Variants in ARFIP1 observed in about 807,000 individuals in gnomAD.
ARFIP1 encodes the protein arfaptin-1.
In ARFIP1, 24 loss-of-function variants were observed where a neutral mutation model predicts 42.5. That is an observed-to-expected ratio of 0.57 (90% CI 0.41 to 0.80). ARFIP1 has a LOEUF of 0.80. Among genes scored for constraint, ARFIP1 ranks in the 30% least tolerant of loss-of-function variants. The pLI, the probability that ARFIP1 is intolerant of heterozygous loss-of-function variation, is 0.00. For synonymous variants in ARFIP1, 141 were observed against 153.7 expected (o/e 0.92, Z 0.61); for missense variants, 354 against 434.0 (o/e 0.82, Z 1.64).
intron 6 of ARFIP1, 42 bp downstream of exon 6, chr4:152,881,226 A>G: frequency 7.0e-7 from 1 of 1,419,364 alleles, no homozygotes. Flanking sequence ...GGAGAAAATG[A>G]TAATAGAAGT....
intron 2 of ARFIP1, among the ~76,000 whole-genome samples, chr4:152,837,855 C>T (rs1731777566): frequency 6.6e-6 from 1 of 152,124 alleles, no homozygotes; most frequent in Non-Finnish European, 1.5e-5. Context: ...CTTGCCTAAG[C>T]CAGTGTCCAG....
chr4:152,811,090 C>CTTTTTTTT (rs5863021), intron 1 of ARFIP1, among the ~76,000 whole-genome samples: 1 of 74,430 alleles, frequency 1.3e-5, no homozygotes, highest in African/African-American at 5.0e-5. Context: ...AAGGTTAAGC[C>CTTTTTTTT]TTTTTTTTTT....
At chr4:152,889,856 C>CTATATACTA (rs1190797961) in intron 8 of ARFIP1, among the ~76,000 whole-genome samples, 7 of 120,616 alleles carry the variant, frequency 5.8e-5, no homozygotes, top group African/African-American at 2.3e-4. Flanking sequence ...ACTATATATA[C>CTATATACTA]TATATATACT....
chr4:152,790,351 C>A (rs1731074632), intron 1 of ARFIP1, among the ~76,000 whole-genome samples: 1 of 152,180 alleles, frequency 6.6e-6, no homozygotes. Flanking sequence ...GAGATGACCA[C>A]CTCTCTTGGT....
intron 8 of ARFIP1, among the ~76,000 whole-genome samples, chr4:152,890,235 A>G (rs1372069861): frequency 2.0e-5 from 3 of 152,094 alleles, no homozygotes; most frequent in Non-Finnish European, 4.4e-5. Context: ...TTGACCACAT[A>G]CAGACTTTGA....
At chr4:152,804,093 ATATATATTATATATAATATAACATGTAT>A (rs1728673555) in intron 1 of ARFIP1, among the ~76,000 whole-genome samples, 2 of 79,868 alleles carry the variant, frequency 2.5e-5, no homozygotes, top group African/African-American at 4.5e-5. Context: ...ATATAACGTA[ATATATATTATATATAATATAACATGTAT>A]TATATATTAT....
At chr4:152,906,195 T>G (rs919463583) in intron 8 of ARFIP1, among the ~76,000 whole-genome samples, 1 of 152,216 alleles carries the variant, frequency 6.6e-6, no homozygotes, top group Non-Finnish European at 1.5e-5. Context: ...CTTGAATCAC[T>G]TCTCTGTCCA....
At chr4:152,781,537 G>A (rs544155389) in intron 1 of ARFIP1, among the ~76,000 whole-genome samples, 198 of 152,086 alleles carry the variant, frequency 1.3e-3, no homozygotes, top group South Asian at 3.3e-3. Context: ...GCGCCCGGCC[G>A]AATTGGCCAT....
chr4:152,802,808 G>A (rs1401813113), intron 1 of ARFIP1, among the ~76,000 whole-genome samples: 3 of 152,156 alleles, frequency 2.0e-5, no homozygotes, highest in Non-Finnish European at 4.4e-5. Flanking sequence ...GCATTATTAA[G>A]ATAGTGTTTT....
intron 1 of ARFIP1, among the ~76,000 whole-genome samples, chr4:152,815,444 C>T (rs1386131486): frequency 6.6e-6 from 1 of 152,152 alleles, no homozygotes; most frequent in African/African-American, 2.4e-5. Context: ...TTTCTTATTC[C>T]CAGCTTCAAG....
chr4:152,898,477 A>G (rs755942672), intron 8 of ARFIP1, among the ~76,000 whole-genome samples: 2 of 152,148 alleles, frequency 1.3e-5, no homozygotes, highest in Admixed American at 6.5e-5. Flanking sequence ...AAATTTTCAA[A>G]GATGCTTTTT....
intron 1 of ARFIP1, among the ~76,000 whole-genome samples, chr4:152,782,223 GGTGTGTGT>G (rs71598214): frequency 0.014 from 2,136 of 148,646 alleles, 58 homozygotes; most frequent in African/African-American, 0.05. Context: ...AACAGGTAGG[GGTGTGTGT>G]GTGTGTGTGT....
intron 1 of ARFIP1, chr4:152,796,747 T>C (rs1019911677): frequency 1.9e-5 from 15 of 769,556 alleles, no homozygotes; most frequent in Non-Finnish European, 3.3e-5. Context: ...TTCTTGAGCT[T>C]CTCGACTTTC....
intron 1 of ARFIP1, among the ~76,000 whole-genome samples, chr4:152,790,728 CTTTTTTTTTTTTTT>C (rs781615063): frequency 5.7e-5 from 6 of 106,082 alleles, no homozygotes; most frequent in Non-Finnish European, 3.8e-5. Context: ...ATGTGTTTAT[CTTTTTTTTTTTTTT>C]TTTTTTTTTG....
rs185005136 is a variant in ARFIP1 at position 152,836,996 on chromosome 4, C to T, written c.93+7270C>T. ...TTCTTACGTCTTTGCATCCTCATAG[C>T]CTAGTTCCCACATAATCAGTGAGAA... On this transcript the variant is annotated intron_variant, in intron 2 of 8. Coordinates refer to ENST00000353617, the MANE Select transcript of ARFIP1 (RefSeq NM_001025595.3). 6.6e-4 allele frequency among the ~76,000 whole-genome samples: 101 copies of T among 152,022 alleles called. 2 individuals are homozygous for T. The highest frequency in any genetic ancestry group is 5.9e-5 in the Non-Finnish European group (4 of 67,986).
At chr4:152,808,871 C>A (rs139507254) in intron 1 of ARFIP1, among the ~76,000 whole-genome samples, 1 of 152,222 alleles carries the variant, frequency 6.6e-6, no homozygotes, top group African/African-American at 2.4e-5. Flanking sequence ...GAGTTCAAGA[C>A]CAACTTGACC....
chr4:152,783,976 A>G (rs1002069529), intron 1 of ARFIP1, among the ~76,000 whole-genome samples: 1 of 152,188 alleles, frequency 6.6e-6, no homozygotes, highest in African/African-American at 2.4e-5. Context: ...GAAAATGAAG[A>G]TTATAAGTAA....
chr4:152,906,076 A>G (rs1738335931), intron 8 of ARFIP1, among the ~76,000 whole-genome samples: 1 of 152,064 alleles, frequency 6.6e-6, no homozygotes, highest in Non-Finnish European at 1.5e-5. Context: ...TTTTTTCTAT[A>G]AGTTTTTGTA....
intron 1 of ARFIP1, among the ~76,000 whole-genome samples, chr4:152,787,546 A>G (rs1320123804): frequency 6.6e-6 from 1 of 152,262 alleles, no homozygotes; most frequent in Non-Finnish European, 1.5e-5. Flanking sequence ...GTAAGAAATG[A>G]TTGGTTATAC....
Sources: gnomAD v4.1 joint callset for allele counts (sites outside exome capture counted in the v4.1 genomes callset) on GRCh38, gnomAD v4.1.1 for gene constraint, MANE v1.5 for transcripts, NCBI Gene and HGNC (gene_info 2026-07-23, HGNC 2026-07-21) for gene names.